The following ACYP2 variants were observed in gnomAD, a reference collection of about 807,000 sequenced individuals.
ACYP2 encodes the protein acylphosphatase-2.
In ACYP2, 12 loss-of-function variants were observed where a neutral mutation model predicts 11.2. The ratio of observed to expected loss-of-function variants is 1.08; its 90% CI spans 0.69 to 1.74. The LOEUF (loss-of-function observed/expected upper bound fraction) is 1.74, where lower values mean the gene tolerates loss of function less well. Ranked by LOEUF, ACYP2 falls within the 40% of genes most tolerant of loss-of-function variation. The pLI, the probability that ACYP2 is intolerant of heterozygous loss-of-function variation, is 0.00. For missense variants in ACYP2, 134 were observed against 101.9 expected (o/e 1.31, Z -1.35); for synonymous variants, 43 against 32.2 (o/e 1.33, Z -1.13).
intron 6 of ACYP2, among the ~76,000 whole-genome samples, chr2:54,229,404 T>A (rs1207122068): frequency 6.6e-6 from 1 of 152,218 alleles, no homozygotes; most frequent in Non-Finnish European, 1.5e-5. Flanking sequence ...CGAAGCCATT[T>A]GGGAGATTAC....
chr2:54,196,606 G>A (rs1363241433), intron 6 of ACYP2, among the ~76,000 whole-genome samples: 3 of 152,260 alleles, frequency 2.0e-5, no homozygotes, highest in African/African-American at 7.2e-5. Context: ...TCTCAGCTTT[G>A]GTGCTATTGG....
intron 2 of ACYP2, among the ~76,000 whole-genome samples, chr2:53,981,171 C>G (rs1380222345): frequency 6.6e-6 from 1 of 152,126 alleles, no homozygotes; most frequent in Non-Finnish European, 1.5e-5. Context: ...ACATGCTGTA[C>G]AGATTTGTTG....
chr2:54,087,296 T>C (rs1677994197), intron 4 of ACYP2, among the ~76,000 whole-genome samples: 1 of 152,246 alleles, frequency 6.6e-6, no homozygotes, highest in Non-Finnish European at 1.5e-5. Context: ...TATTTTTGGA[T>C]GCTAAATGTT....
At chr2:53,978,804 T>A (rs561283817) in intron 2 of ACYP2, among the ~76,000 whole-genome samples, 2 of 152,256 alleles carry the variant, frequency 1.3e-5, no homozygotes, top group South Asian at 4.1e-4. Flanking sequence ...ATTCCTGTGG[T>A]CCCAGCTACT....
At chr2:54,092,766 A>C (rs1017376578) in intron 4 of ACYP2, among the ~76,000 whole-genome samples, 5 of 152,160 alleles carry the variant, frequency 3.3e-5, no homozygotes, top group African/African-American at 4.8e-5. Flanking sequence ...GGTTCCAGTG[A>C]CATAGAGGGT....
intron 5 of ACYP2, among the ~76,000 whole-genome samples, chr2:54,138,023 C>G (rs1347238680): frequency 2.6e-5 from 4 of 152,196 alleles, no homozygotes; most frequent in African/African-American, 9.7e-5. Flanking sequence ...TTGCATTTCT[C>G]TAATGATTGG....
At chr2:54,276,337 CT>C (rs1688568887) in intron 6 of ACYP2, among the ~76,000 whole-genome samples, 1 of 152,064 alleles carries the variant, frequency 6.6e-6, no homozygotes, top group Admixed American at 6.6e-5. Context: ...CAGCATTCTC[CT>C]TTGTTAAACA....
chr2:54,288,995 A>G (rs1689194186), intron 6 of ACYP2, among the ~76,000 whole-genome samples: 1 of 152,020 alleles, frequency 6.6e-6, no homozygotes, highest in African/African-American at 2.4e-5. Flanking sequence ...CTCATCATCT[A>G]AAAGTCATTT....
At chr2:54,301,669 A>T (rs1558679643) in intron 6 of ACYP2, among the ~76,000 whole-genome samples, 1 of 151,998 alleles carries the variant, frequency 6.6e-6, no homozygotes. Context: ...ACGTGTTTGT[A>T]TATGTATACA....
intron 4 of ACYP2, among the ~76,000 whole-genome samples, chr2:54,110,734 C>T (rs1267880295): frequency 6.6e-6 from 1 of 151,848 alleles, no homozygotes; most frequent in Non-Finnish European, 1.5e-5. Context: ...TCCCTCCCAC[C>T]GTGGGAGAGA....
chr2:53,986,146 AAAAT>A (rs1672025320), intron 2 of ACYP2, among the ~76,000 whole-genome samples: 1 of 151,742 alleles, frequency 6.6e-6, no homozygotes, highest in African/African-American at 2.4e-5. Context: ...AATAATAATA[AAAAT>A]AAATAAATAA....
rs550512627 is a variant in ACYP2, at chr2:54,296,480, CTG to C, written c.405-8204_405-8203del. On this transcript the variant is annotated intron_variant, in intron 6 of 6. Coordinates refer to ENST00000607452, the MANE Select transcript of ACYP2 (RefSeq NM_001320586.2). ...CTTAGTTATTTAACATTTATCAGCA[CTG>C]TGTTTTATTTATTTCTTAACGCAAA... Among the ~76,000 whole-genome samples the C allele has an allele frequency of 2.8e-3, 426 of 152,268 alleles. 4 individuals are homozygous for C. The highest frequency in any genetic ancestry group is 9.7e-3 in the African/African-American group (402 of 41,530).
chr2:54,101,922 A>C (rs1678916505), intron 4 of ACYP2, among the ~76,000 whole-genome samples: 1 of 152,206 alleles, frequency 6.6e-6, no homozygotes. Context: ...ATTAATGGAT[A>C]TTGACACTTT....
At chr2:54,059,895 G>C (rs547758672) in intron 4 of ACYP2, among the ~76,000 whole-genome samples, 8 of 152,282 alleles carry the variant, frequency 5.3e-5, no homozygotes, top group Admixed American at 4.6e-4. Context: ...ATTGTCTTCT[G>C]AACTCAGTTG....
chr2:54,101,043 ACCAC>A (rs1678864756), intron 4 of ACYP2, among the ~76,000 whole-genome samples: 1 of 152,214 alleles, frequency 6.6e-6, no homozygotes, highest in South Asian at 2.1e-4. Context: ...AGCTGAGGGT[ACCAC>A]TAGTTGCCCC....
chr2:53,992,002 A>T (rs1029551301), intron 2 of ACYP2, among the ~76,000 whole-genome samples: 1 of 151,198 alleles, frequency 6.6e-6, no homozygotes, highest in Non-Finnish European at 1.5e-5. Flanking sequence ...CTTTTTCACA[A>T]TGTAAGAGCT....
chr2:54,045,349 C>A (rs1236832019), intron 2 of ACYP2, among the ~76,000 whole-genome samples: 1 of 152,200 alleles, frequency 6.6e-6, no homozygotes, highest in East Asian at 1.9e-4. Flanking sequence ...CCATTAAATT[C>A]TTTCTCTGCT....
At chr2:54,127,013 G>C (rs1457839271) in intron 4 of ACYP2, among the ~76,000 whole-genome samples, 1 of 149,656 alleles carries the variant, frequency 6.7e-6, no homozygotes, top group East Asian at 1.9e-4. Flanking sequence ...ATTATAGGCA[G>C]TTGCATGGAG....
rs186337485 is a variant in ACYP2 at position 54,107,854 on chromosome 2, G to A, written c.278-27599G>A. 1.2e-4 allele frequency among the ~76,000 whole-genome samples: 18 copies of A among 152,284 alleles called. No individual in the cohort carries two copies. In the East Asian group the frequency reaches 3.3e-3, roughly 28 times the overall value. The stretch of plus-strand genomic sequence containing the variant: ...GGATGGACTTTTACTGCAGAACTGG[G>A]CCATCAAGGGATCTACTGATCCTGC... On this transcript the variant is annotated intron_variant, in intron 4 of 6. Transcript: ENST00000607452.
Sources: gnomAD v4.1 joint callset for allele counts (sites outside exome capture counted in the v4.1 genomes callset) on GRCh38, gnomAD v4.1.1 for gene constraint, MANE v1.5 for transcripts, NCBI Gene and HGNC (gene_info 2026-07-23, HGNC 2026-07-21) for gene names.